Variants in FAM13B observed in about 807,000 individuals in gnomAD.
FAM13B encodes the protein family with sequence similarity 13 member B, also known as protein FAM13B.
Under a neutral mutation model 117.3 loss-of-function variants are expected in FAM13B, and 60 were observed. That is an observed-to-expected ratio of 0.51 (90% CI 0.42 to 0.63). The LOEUF (loss-of-function observed/expected upper bound fraction) is 0.63, where lower values mean the gene tolerates loss of function less well. Ranked by LOEUF, FAM13B falls within the 30% of genes least tolerant of loss-of-function variation. FAM13B has a pLI of 0.00. For missense variants in FAM13B, 972 were observed against 1,091.9 expected (o/e 0.89, Z 1.55); for synonymous variants, 332 against 356.1 (o/e 0.93, Z 0.76).
intron 7 of FAM13B, among the ~76,000 whole-genome samples, chr5:138,005,096 G>A (rs1452744627): frequency 6.6e-6 from 1 of 152,136 alleles, no homozygotes; most frequent in East Asian, 1.9e-4. Flanking sequence ...AGTTAGCTGG[G>A]CATGGTGATG....
Position 138,033,047 on chromosome 5 carries a change from G to A in FAM13B, c.-468C>T, listed in dbSNP as rs1482058913. 1.8e-5 allele frequency: 18 copies of A among 986,286 alleles called. No homozygotes were observed. The highest frequency in any genetic ancestry group is 1.2e-4 in the Admixed American group (2 of 16,244). 61.1% of individuals were successfully genotyped at this position (986,286 alleles called of 1,614,324 possible). ...ACAGAGGCGGCGGCTGAGGTGCAGA[G>A]CCTCCCTAACGGCGAGCGGGAGGAG... On this transcript the variant is annotated 5_prime_UTR_variant, in exon 1 of 24. Coordinates refer to ENST00000689681, the MANE Select transcript of FAM13B (RefSeq NM_001385994.1).
chr5:137,986,017 A>T (rs1398066909), intron 9 of FAM13B, among the ~76,000 whole-genome samples: 2 of 152,136 alleles, frequency 1.3e-5, no homozygotes, highest in Non-Finnish European at 2.9e-5. Flanking sequence ...ACACTTAGAT[A>T]CTGATTTTTT....
In FAM13B at chr5:137,939,901, T is replaced by C. The variant is rs1178254990; in HGVS notation, c.*324A>G. 7.5e-7 allele frequency: 1 copy of C among 1,333,072 alleles called. No individual in the cohort carries two copies. Among genetic ancestry groups the C allele is most frequent in the Admixed American group, 3.6e-5 (1 of 27,680 alleles). The allele number at this position is 1,333,072 out of a possible 1,614,324, so 82.6% of individuals were successfully genotyped here. On this transcript the variant is annotated 3_prime_UTR_variant, in exon 24 of 24. Coordinates refer to ENST00000689681, the MANE Select transcript of FAM13B (RefSeq NM_001385994.1). ...GTTGGTAATAACAAAAAGCTTGCAT[T>C]TCCAAAGTTCTTGAAGTTGAAAGGA...
intron 10 of FAM13B, among the ~76,000 whole-genome samples, chr5:137,969,830 C>T (rs994346080): frequency 1.2e-4 from 18 of 151,918 alleles, no homozygotes; most frequent in Non-Finnish European, 2.5e-4. Flanking sequence ...CCTCAGGAGC[C>T]GATGCAATCA....
chr5:138,034,329 C>T, upstream of FAM13B, among the ~76,000 whole-genome samples: 1 of 152,324 alleles, frequency 6.6e-6, no homozygotes, highest in Admixed American at 6.5e-5. Flanking sequence ...TCTTAAGATA[C>T]GTCAGTAAAT....
At chr5:137,996,869 T>A (rs1382088586) in intron 7 of FAM13B, among the ~76,000 whole-genome samples, 1 of 152,122 alleles carries the variant, frequency 6.6e-6, no homozygotes, top group African/African-American at 2.4e-5. Flanking sequence ...GCTGGATTAC[T>A]GGCATGAGCC....
At chr5:137,964,160 C>T (rs149221987) in intron 10 of FAM13B, among the ~76,000 whole-genome samples, 2,122 of 152,240 alleles carry the variant, frequency 0.014, 39 homozygotes, top group African/African-American at 0.047. Flanking sequence ...TGGGTTCAAG[C>T]GATTCTCCTG....
intron 7 of FAM13B, 99 bp from the exon 8 acceptor site, chr5:137,988,414 A>G: frequency 1.2e-6 from 1 of 819,724 alleles, no homozygotes; most frequent in Non-Finnish European, 2.0e-6. Context: ...TGACACAACC[A>G]GGAGAGCACA....
chr5:138,008,733 C>T (rs1479993138), intron 6 of FAM13B, among the ~76,000 whole-genome samples: 2 of 152,196 alleles, frequency 1.3e-5, no homozygotes, highest in African/African-American at 4.8e-5. Flanking sequence ...CTACATGTAA[C>T]ATCACTTTTT....
At chr5:137,988,163 C>G in intron 8 of FAM13B, 111 bp downstream of exon 8, 1 of 717,410 alleles carries the variant, frequency 1.4e-6, no homozygotes, top group Non-Finnish European at 2.2e-6. Flanking sequence ...TAGTTTACTG[C>G]CTGTGTACAG....
rs1313090495 is a variant in FAM13B at position 137,939,411 on chromosome 5, G to C, written c.*814C>G. 1 of 152,668 alleles carries C rather than the reference G, an allele frequency of 6.6e-6. No individual in the cohort carries two copies. Among genetic ancestry groups the C allele is most frequent in the African/African-American group, 2.4e-5 (1 of 41,426 alleles). The allele number at this position is 152,668 out of a possible 1,614,324, so 9.5% of individuals were successfully genotyped here. Reference sequence around the variant, plus strand: ...CTATTTTCTCACATTATCTGGAGGTGGGTTGGGGAATAGCGCGGATCTGAT... The same window carrying C: ...CTATTTTCTCACATTATCTGGAGGTCGGTTGGGGAATAGCGCGGATCTGAT... On this transcript the variant is annotated 3_prime_UTR_variant, in exon 24 of 24. Transcript: ENST00000689681.
intron 1 of FAM13B, among the ~76,000 whole-genome samples, chr5:138,032,343 G>T (rs1028624896): frequency 6.6e-6 from 1 of 152,228 alleles, no homozygotes; most frequent in Non-Finnish European, 1.5e-5. Context: ...AAAAAGGGGC[G>T]CAGTTGAGCC....
At position 137,954,505 on chromosome 5, in the gene FAM13B, TAC is replaced by T. The variant is rs111423475; in HGVS notation, c.1508-131_1508-130del. The T allele has an allele frequency of 7.3e-3, 2,980 of 410,846 alleles. 28 individuals carry two copies. The highest frequency in any genetic ancestry group is 0.037 in the East Asian group (854 of 23,380). 25.5% of individuals were successfully genotyped at this position (410,846 alleles called of 1,614,324 possible). On this transcript the variant is annotated intron_variant, in intron 14 of 23. Coordinates refer to ENST00000689681, the MANE Select transcript of FAM13B (RefSeq NM_001385994.1). ...AGTGGTTCATATATACATACACACA[TAC>T]ACACACACACACACACATACATGTG...
chr5:137,957,557 A>AG (rs1277473549), intron 13 of FAM13B, among the ~76,000 whole-genome samples: 1 of 152,006 alleles, frequency 6.6e-6, no homozygotes, highest in African/African-American at 2.4e-5. Context: ...AAAAAAAAAA[A>AG]AAAAAATTGG....
At position 138,043,041 on chromosome 5, in the gene FAM13B, G is replaced by A. The variant is rs925511248; in HGVS notation, c.-203+8837C>T. On this transcript the variant is annotated intron_variant, in intron 1 of 3. Coordinates refer to the FAM13B transcript ENST00000502471. The stretch of plus-strand genomic sequence containing the variant: ...CAGGAAGTGGAGGTTACAGTGAGCT[G>A]AGATCGTGCCACTTCATCCCAGCCT... Among the ~76,000 whole-genome samples the A allele has an allele frequency of 3.3e-5, 5 of 152,014 alleles. No homozygotes were observed. The East Asian group carries it at 9.7e-4, about 29-fold the overall frequency.
chr5:138,019,221 A>C, intron 2 of FAM13B, 75 bp from the exon 3 acceptor site: 6 of 1,283,206 alleles, frequency 4.7e-6, no homozygotes, highest in Non-Finnish European at 6.4e-6. Context: ...ATTAAAGAAA[A>C]ATGCTTTACA....
intron 13 of FAM13B, 129 bp downstream of exon 13, chr5:137,959,487 A>T: frequency 1.0e-6 from 1 of 957,624 alleles, no homozygotes; most frequent in South Asian, 1.8e-5. Context: ...TTCATCTTAC[A>T]TGAAAGGGAG....
At chr5:138,000,946 A>AC in intron 7 of FAM13B, among the ~76,000 whole-genome samples, 1 of 150,310 alleles carries the variant, frequency 6.7e-6, no homozygotes, top group South Asian at 2.1e-4. Context: ...CAAAAAACAA[A>AC]AAAAAAAAAA....
At chr5:137,985,442 C>T in intron 9 of FAM13B, 53 bp from the exon 10 acceptor site, 1 of 1,533,420 alleles carries the variant, frequency 6.5e-7, no homozygotes, top group South Asian at 1.2e-5. Flanking sequence ...TGTGTAATGC[C>T]TTTACTTTAA....
Sources: allele counts gnomAD v4.1 joint callset (sites outside exome capture counted in the v4.1 genomes callset), GRCh38; gene constraint gnomAD v4.1.1; transcripts MANE v1.5; gene names NCBI Gene and HGNC (gene_info 2026-07-23, HGNC 2026-07-21).